KRT77: variants seen among roughly 807,000 people sequenced by gnomAD.
The protein encoded by KRT77 is keratin 77, also known as keratin, type II cytoskeletal 1b.
KRT77 carries 44 observed loss-of-function variants against 51.5 expected under a neutral mutation model. That is an observed-to-expected ratio of 0.85 (90% CI 0.67 to 1.10). KRT77 has a LOEUF of 1.10. KRT77 is among the 50% of genes least tolerant of loss of function. The probability of loss-of-function intolerance (pLI) is 0.00; values close to 1 mark genes in which losing one functional copy is unlikely to be tolerated. For missense variants in KRT77, 763 were observed against 743.9 expected, an observed-to-expected ratio of 1.03 and a Z score of -0.30; for synonymous variants, 293 against 302.0, an observed-to-expected ratio of 0.97 and a Z score of 0.31.
At chr12:52,693,737 G>A (rs1941751350) in intron 5 of KRT77, 1 of 151,156 alleles carries the variant, frequency 6.6e-6, no homozygotes, top group African/African-American at 2.4e-5. Flanking sequence ...GATCTAATAA[G>A]GGAGGGTGTA....
In KRT77 at chr12:52,703,291, TCCA is replaced by T. The variant is rs768162501; in HGVS notation, c.141_143del (p.Gly48del). ...CAAACCCCCTTCCATGGATCCCATA[TCCA>T]CCACCACCACACCTCCCTCGAGCAT... On this transcript the variant is annotated inframe_deletion, in exon 1 of 9. Coordinates refer to ENST00000341809, the MANE Select transcript of KRT77 (RefSeq NM_175078.3). 1.2e-6 allele frequency: 2 copies of T among 1,613,728 alleles called. No individual in the cohort carries two copies. Among genetic ancestry groups the T allele is most frequent in the Non-Finnish European group, 8.5e-7 (1 of 1,179,940 alleles).
rs1309183443 is a variant in KRT77 at position 52,691,229 on chromosome 12, C to A, written c.1673G>T (p.Gly558Val). The change falls in exon 9 of 9, where the codon GGA becomes GTA. Residue 558 changes from glycine to valine, a missense_variant. By Grantham distance (109) the Gly-to-Val change is moderately radical. Coordinates refer to ENST00000341809, the MANE Select transcript of KRT77 (RefSeq NM_175078.3). ...SYGGSGRSGR[G>V]SSRVQIIQTS... ...CTGGATGATCTGCACGCGCGAGGATCCGCGGCCGCTTCTGCCGCTCCCTCC... is the reference window on the plus strand; with the variant it reads ...CTGGATGATCTGCACGCGCGAGGATACGCGGCCGCTTCTGCCGCTCCCTCC... 1.2e-6 allele frequency: 2 copies of A among 1,613,930 alleles called. No homozygotes were observed. Among genetic ancestry groups the A allele is most frequent in the African/African-American group, 1.3e-5 (1 of 75,028 alleles).
chr12:52,692,324 A>C (rs967231082), intron 7 of KRT77, 97 bp downstream of exon 7: 2 of 1,391,662 alleles, frequency 1.4e-6, no homozygotes, highest in Non-Finnish European at 2.0e-6. Flanking sequence ...CAATCTTCCC[A>C]AAAAGGTGGG....
chr12:52,695,493 G>C (rs1941781152), intron 4 of KRT77: 2 of 356,420 alleles, frequency 5.6e-6, no homozygotes, highest in South Asian at 9.7e-5. Context: ...TATATGTCTG[G>C]GTGATTTCCC....
intron 4 of KRT77, chr12:52,695,087 T>G (rs940979583): frequency 4.7e-6 from 1 of 214,134 alleles, no homozygotes; most frequent in African/African-American, 2.3e-5. Flanking sequence ...CTGGGCTCCT[T>G]GGCAGGCATG....
rs997896191 is a variant in KRT77 at position 52,690,663 on chromosome 12, C to T, written c.*502G>A. The T allele has an allele frequency of 5.6e-6, 1 of 178,218 alleles. No homozygotes were observed. Among genetic ancestry groups the T allele is most frequent in the Non-Finnish European group, 1.2e-5 (1 of 84,210 alleles). 11.0% of individuals were successfully genotyped at this position (178,218 alleles called of 1,614,324 possible). A position where few individuals can be genotyped will look rare whatever the true frequency, so the allele number is the denominator to read the frequency against. On this transcript the variant is annotated 3_prime_UTR_variant, in exon 9 of 9. Transcript: ENST00000341809. ...CTCTCCATTATGCGCCTTGTCGATG[C>T]TCTCTACAGGCTGTTTCTGTTTCCC...
rs758781145 is a variant in KRT77, at chr12:52,695,786, A to G, written c.901T>C (p.Tyr301His). 6.2e-7 allele frequency: 1 copy of G among 1,612,780 alleles called. No individual in the cohort carries two copies. The highest frequency in any genetic ancestry group is 2.2e-5 in the East Asian group (1 of 44,862). ...GCTTAACTCACCGTCAAAAATAAAT[A>G]TTTCAAGAAATTGACCTCCCCAGTC... The part of the protein sequence containing the change: ...TLTGEVNFLK[Y>H]LFLTELSQVQ... Residue 301 changes from tyrosine (Y) to histidine (H), a missense_variant, in exon 4 of 9, where the codon TAT becomes CAT. By Grantham distance (83) the Tyr-to-His change is moderately conservative. Coordinates refer to ENST00000341809, the MANE Select transcript of KRT77 (RefSeq NM_175078.3).
At position 52,698,119 on chromosome 12, in the gene KRT77, G is replaced by A. The variant is rs918853433; in HGVS notation, c.544-223C>T. The A allele has an allele frequency of 6.2e-6, 9 of 1,453,008 alleles. No homozygotes were observed. In the East Asian group the frequency reaches 8.9e-5, roughly 14 times the overall value. The allele number at this position is 1,453,008 out of a possible 1,614,324, so 90.0% of individuals were successfully genotyped here. ...TCAACTTGCCTAAAATTGACACTAA[G>A]CTCACTCTGGTTTTGAAGGTAAATC... On this transcript the variant is annotated intron_variant, in intron 1 of 8. Transcript: ENST00000341809.
chr12:52,700,148 C>A (rs1941865135), intron 1 of KRT77, among the ~76,000 whole-genome samples: 1 of 152,180 alleles, frequency 6.6e-6, no homozygotes, highest in Admixed American at 6.5e-5. Context: ...CAGCACTGAC[C>A]CCTGAGGGGC....
At chr12:52,695,496 G>T in intron 4 of KRT77, 1 of 364,046 alleles carries the variant, frequency 2.7e-6, no homozygotes. Flanking sequence ...ATGTCTGGGT[G>T]ATTTCCCAGA....
chr12:52,697,936 C>T, intron 1 of KRT77, 40 bp from the exon 2 acceptor site: 1 of 1,584,358 alleles, frequency 6.3e-7, no homozygotes. Flanking sequence ...GGCCATGGAT[C>T]AGAGCAGCTC....
chr12:52,695,962 G>T, intron 3 of KRT77, 95 bp from the exon 4 acceptor site: 2 of 780,956 alleles, frequency 2.6e-6, no homozygotes, highest in Non-Finnish European at 4.5e-6. Context: ...AGCCACTCTA[G>T]GTTTATTTCC....
At chr12:52,698,371 C>A in intron 1 of KRT77, 10 of 420,390 alleles carry the variant, frequency 2.4e-5, no homozygotes, top group South Asian at 1.7e-4. Flanking sequence ...TGCTTGGGTG[C>A]CCCTGCCCTG....
chr12:52,700,049 A>G (rs375249881), intron 1 of KRT77, among the ~76,000 whole-genome samples: 2 of 152,166 alleles, frequency 1.3e-5, no homozygotes, highest in East Asian at 3.9e-4. Flanking sequence ...CAGGGGTAAG[A>G]GCTGAAACCC....
chr12:52,703,131 T>A lies in KRT77; in HGVS notation c.304A>T (p.Thr102Ser). Reference protein sequence around the residue: ...GGGRGFGVGSTGAGGFGGGGF... With the variant: ...GGGRGFGVGSSGAGGFGGGGF... ...CCTCCTCCAAAGCCACCAGCCCCGG[T>A]GCTGCCAACCCCAAAGCCTCTGCCC... Residue 102 changes from threonine to serine, a missense_variant, in exon 1 of 9, where the codon ACC becomes TCC. Coordinates refer to ENST00000341809, the MANE Select transcript of KRT77 (RefSeq NM_175078.3). The A allele has an allele frequency of 6.2e-7, 1 of 1,610,736 alleles. No homozygotes were observed. Among genetic ancestry groups the A allele is most frequent in the South Asian group, 1.1e-5 (1 of 90,894 alleles).
chr12:52,689,895 C>A lies in KRT77; in HGVS notation c.*1270G>T, dbSNP rs948247411. On this transcript the variant is annotated 3_prime_UTR_variant, in exon 9 of 9. Coordinates refer to ENST00000341809, the MANE Select transcript of KRT77 (RefSeq NM_175078.3). ...CCTGCCCTCTCCAGCACATCTCAAG[C>A]CTCTTACATAAGATTCAAAATTAAG... The A allele has an allele frequency of 3.3e-5, 5 of 152,226 alleles. No individual in the cohort carries two copies. Among genetic ancestry groups the A allele is most frequent in the African/African-American group, 1.2e-4 (5 of 41,426 alleles). The allele number at this position is 152,226 out of a possible 1,614,324, so 9.4% of individuals were successfully genotyped here.
chr12:52,697,209 T>C (rs1941806820), intron 2 of KRT77, among the ~76,000 whole-genome samples: 1 of 152,168 alleles, frequency 6.6e-6, no homozygotes, highest in Non-Finnish European at 1.5e-5. Flanking sequence ...GTACAAACAC[T>C]CTTGCTGCAT....
intron 3 of KRT77, 55 bp from the exon 4 acceptor site, chr12:52,695,922 A>G: frequency 8.8e-7 from 1 of 1,141,476 alleles, no homozygotes; most frequent in Non-Finnish European, 1.3e-6. Context: ...GCCTGCCACC[A>G]GCTCACTGGC....
In KRT77 at chr12:52,701,848, G is replaced by A. The variant is rs557938578; in HGVS notation, c.543+1044C>T. Among the ~76,000 whole-genome samples, 31 of 152,264 alleles carry A rather than the reference G, an allele frequency of 2.0e-4. No individual in the cohort carries two copies. The South Asian group carries it at 3.9e-3, about 19-fold the overall frequency. ...CCTACATTGCATGCTATTGACTTTA[G>A]CCCCAAGAGATACCCACCACCAGGG... On this transcript the variant is annotated intron_variant, in intron 1 of 8. Coordinates refer to ENST00000341809, the MANE Select transcript of KRT77 (RefSeq NM_175078.3).
Sources: allele counts gnomAD v4.1 joint callset (sites outside exome capture counted in the v4.1 genomes callset), GRCh38; gene constraint gnomAD v4.1.1; transcripts MANE v1.5; gene names NCBI Gene and HGNC (gene_info 2026-07-23, HGNC 2026-07-21).